ADCY7: variants seen among roughly 807,000 people sequenced by gnomAD.
ADCY7 encodes adenylate cyclase 7, also known as adenylate cyclase type 7.
In ADCY7, 72 loss-of-function variants were observed where a neutral mutation model predicts 120.6. The observed-to-expected ratio is 0.60, with a 90% CI of 0.49 to 0.73. The LOEUF is 0.73. Ranked by LOEUF, ADCY7 falls within the 30% of genes least tolerant of loss-of-function variation. ADCY7 has a pLI of 0.00. For synonymous variants in ADCY7, 661 were observed against 628.0 expected (o/e 1.05, Z -0.78); for missense variants, 1,227 against 1,486.0 (o/e 0.83, Z 2.87).
At chr16:50,247,554 T>TTC (rs2032629420) in intron 1 of ADCY7, among the ~76,000 whole-genome samples, 2 of 149,222 alleles carry the variant, frequency 1.3e-5, no homozygotes, top group Non-Finnish European at 3.0e-5. Flanking sequence ...TTTTTTTTTT[T>TTC]TTTTTGGTGG....
At position 50,309,739 on chromosome 16, in the gene ADCY7, C is replaced by T. The variant is rs2036327017; in HGVS notation, c.2160+93C>T. ...TGGACCCTCAAAGCATGGGTGCTGACCCCTGAGAGCACAGCATGTGGAGGC... is the reference window on the plus strand; with the variant it reads ...TGGACCCTCAAAGCATGGGTGCTGATCCCTGAGAGCACAGCATGTGGAGGC... On this transcript the variant is annotated intron_variant, in intron 18 of 25. Coordinates refer to ENST00000673801, the MANE Select transcript of ADCY7 (RefSeq NM_001114.5). The T allele has an allele frequency of 4.6e-6, 5 of 1,095,304 alleles. No homozygotes were observed. The South Asian group carries it at 6.1e-5, about 13-fold the overall frequency. 67.8% of individuals were successfully genotyped at this position (1,095,304 alleles called of 1,614,324 possible).
intron 1 of ADCY7, among the ~76,000 whole-genome samples, chr16:50,269,299 G>A (rs2033410756): frequency 6.6e-6 from 1 of 152,226 alleles, no homozygotes; most frequent in Admixed American, 6.5e-5. Context: ...CCACATTTGA[G>A]CCTGGAGTCA....
intron 1 of ADCY7, among the ~76,000 whole-genome samples, chr16:50,271,504 G>A (rs80041372): frequency 0.013 from 1,991 of 152,286 alleles, 47 homozygotes; most frequent in African/African-American, 0.045. Flanking sequence ...TTAGGATGGG[G>A]TGGGGACGGC....
At chr16:50,296,073 G>C (rs1487793908) in intron 7 of ADCY7, among the ~76,000 whole-genome samples, 1 of 152,180 alleles carries the variant, frequency 6.6e-6, no homozygotes, top group Non-Finnish European at 1.5e-5. Flanking sequence ...TTGTTTTTGA[G>C]ACAGAGTCTT....
chr16:50,305,249 G>C (rs1232412287), intron 12 of ADCY7, among the ~76,000 whole-genome samples: 2 of 152,200 alleles, frequency 1.3e-5, no homozygotes. Context: ...TGCCAATCCC[G>C]GGGGTGTAGC....
upstream of ADCY7, among the ~76,000 whole-genome samples, chr16:50,245,108 C>A (rs1377853806): frequency 6.6e-6 from 1 of 152,240 alleles, no homozygotes; most frequent in Non-Finnish European, 1.5e-5. Context: ...GATCTCTCCC[C>A]TCTAGGGTGA....
At chr16:50,254,324 A>C (rs2032849184) in intron 1 of ADCY7, among the ~76,000 whole-genome samples, 1 of 152,160 alleles carries the variant, frequency 6.6e-6, no homozygotes, top group Non-Finnish European at 1.5e-5. Context: ...AGCCCCCTCC[A>C]GGCACCCTGT....
At chr16:50,310,094 G>A (rs566958724) in intron 18 of ADCY7, among the ~76,000 whole-genome samples, 38 of 152,366 alleles carry the variant, frequency 2.5e-4, no homozygotes, top group Non-Finnish European at 4.6e-4. Flanking sequence ...TGCAGCTTCA[G>A]AGGCTGGCAG....
intron 22 of ADCY7, 167 bp from the exon 23 acceptor site, chr16:50,313,791 G>A: frequency 6.6e-6 from 4 of 608,672 alleles, no homozygotes; most frequent in South Asian, 2.0e-5. Flanking sequence ...CAAGGGCCAT[G>A]TCCTCACCAT....
At chr16:50,265,196 T>C (rs2033166388), upstream of ADCY7, among the ~76,000 whole-genome samples, 1 of 152,196 alleles carries the variant, frequency 6.6e-6, no homozygotes, top group South Asian at 2.1e-4. Context: ...GATGTGACTT[T>C]CTCCTAGTCA....
chr16:50,271,312 G>A (rs1411636622), intron 1 of ADCY7, among the ~76,000 whole-genome samples: 1 of 152,194 alleles, frequency 6.6e-6, no homozygotes, highest in African/African-American at 2.4e-5. Flanking sequence ...CCTGGTCATA[G>A]CTCACAGCAG....
At chr16:50,265,928 G>A (rs932380884), upstream of ADCY7, among the ~76,000 whole-genome samples, 4 of 152,224 alleles carry the variant, frequency 2.6e-5, no homozygotes, top group Non-Finnish European at 4.4e-5. Context: ...AGCAGAAGGG[G>A]TGCTGGGGTT....
intron 1 of ADCY7, among the ~76,000 whole-genome samples, chr16:50,253,633 G>T (rs1391684751): frequency 6.6e-6 from 1 of 152,224 alleles, no homozygotes; most frequent in Non-Finnish European, 1.5e-5. Context: ...TGGGAGTGTG[G>T]AGGTCTTGGG....
chr16:50,308,482 G>C (rs2036230750), intron 16 of ADCY7, 71 bp downstream of exon 16: 5 of 1,601,830 alleles, frequency 3.1e-6, no homozygotes, highest in Non-Finnish European at 4.3e-6. Flanking sequence ...AGCCCTCCCT[G>C]GTGAGCTTGG....
chr16:50,267,928 C>T (rs1157924593), intron 1 of ADCY7, among the ~76,000 whole-genome samples: 1 of 152,076 alleles, frequency 6.6e-6, no homozygotes, highest in Admixed American at 6.5e-5. Flanking sequence ...AGTTGTCTGT[C>T]TTCCCACCTC....
chr16:50,284,202 G>A (rs542260273), intron 1 of ADCY7, among the ~76,000 whole-genome samples: 1 of 152,264 alleles, frequency 6.6e-6, no homozygotes, highest in African/African-American at 2.4e-5. Context: ...CTGGAGATGT[G>A]ATCAGTGAGT....
At chr16:50,254,536 G>A (rs996234015) in intron 1 of ADCY7, among the ~76,000 whole-genome samples, 5 of 152,234 alleles carry the variant, frequency 3.3e-5, no homozygotes, top group Admixed American at 6.5e-5. Flanking sequence ...CAATAGCCAC[G>A]CGAAAAAATA....
chr16:50,302,797 C>T (rs528087709), intron 10 of ADCY7, among the ~76,000 whole-genome samples: 1 of 152,152 alleles, frequency 6.6e-6, no homozygotes, highest in Admixed American at 6.5e-5. Flanking sequence ...GCCCCATGGT[C>T]GCGCACCCTG....
Position 50,291,749 on chromosome 16 carries a change from T to C in ADCY7, c.389T>C (p.Leu130Pro). The change falls in exon 4 of 26, where the codon CTG becomes CCG. Residue 130 changes from leucine (L) to proline (P), a missense_variant. Coordinates refer to ENST00000673801, the MANE Select transcript of ADCY7 (RefSeq NM_001114.5). ...CTGCATCCACAGGTGCCCTTCTTCCTGTTCATTGTCTTCGTGGTGTACACA... is the reference window on the plus strand; with the variant it reads ...CTGCATCCACAGGTGCCCTTCTTCCCGTTCATTGTCTTCGTGGTGTACACA... ...ACAWEQVPFF[L>P]FIVFVVYTLL... 6.2e-7 allele frequency: 1 copy of C among 1,614,106 alleles called. No individual in the cohort carries two copies. The highest frequency in any genetic ancestry group is 8.5e-7 in the Non-Finnish European group (1 of 1,179,986).
Sources: allele counts gnomAD v4.1 joint callset (sites outside exome capture counted in the v4.1 genomes callset), GRCh38; gene constraint gnomAD v4.1.1; transcripts MANE v1.5; gene names NCBI Gene and HGNC (gene_info 2026-07-23, HGNC 2026-07-21).